Variants in FBXL17 observed in about 807,000 individuals in gnomAD.
FBXL17 encodes F-box/LRR-repeat protein 17.
FBXL17 carries 22 observed loss-of-function variants against 66.2 expected under a neutral mutation model. The observed-to-expected ratio is 0.33, with a 90% CI of 0.24 to 0.47. The LOEUF (loss-of-function observed/expected upper bound fraction) is 0.47, where lower values mean the gene tolerates loss of function less well. Ranked by LOEUF, FBXL17 falls within the 20% of genes least tolerant of loss-of-function variation. The pLI, the probability that FBXL17 is intolerant of heterozygous loss-of-function variation, is 1.00. For missense variants in FBXL17, 878 were observed against 948.2 expected (o/e 0.93, Z 0.97); for synonymous variants, 474 against 400.5 (o/e 1.18, Z -2.19).
chr5:107,938,473 G>C (rs573877919), intron 7 of FBXL17, among the ~76,000 whole-genome samples: 1 of 151,968 alleles, frequency 6.6e-6, no homozygotes, highest in African/African-American at 2.4e-5. Flanking sequence ...TAGTGACATC[G>C]GTCTTCACAA....
At chr5:108,356,420 G>A (rs1174337609) in intron 3 of FBXL17, among the ~76,000 whole-genome samples, 1 of 152,116 alleles carries the variant, frequency 6.6e-6, no homozygotes, top group Non-Finnish European at 1.5e-5. Context: ...CCAGAACTTG[G>A]ACATGCCCAA....
chr5:108,168,698 G>T (rs1469661884), intron 6 of FBXL17, among the ~76,000 whole-genome samples: 1 of 151,980 alleles, frequency 6.6e-6, no homozygotes, highest in Admixed American at 6.6e-5. Context: ...TGCGATTTAG[G>T]ATTTCCTACC....
intron 8 of FBXL17, chr5:107,880,244 G>C (rs1240147746): frequency 2.3e-6 from 1 of 438,730 alleles, no homozygotes; most frequent in African/African-American, 2.1e-5. Context: ...ATTTTTTTTT[G>C]TTGGGGGAGA....
At chr5:108,038,256 A>G (rs1746920435) in intron 6 of FBXL17, among the ~76,000 whole-genome samples, 1 of 152,100 alleles carries the variant, frequency 6.6e-6, no homozygotes, top group African/African-American at 2.4e-5. Context: ...ATATAATATT[A>G]AGAAATTATT....
intron 4 of FBXL17, among the ~76,000 whole-genome samples, chr5:108,290,331 G>A (rs879542125): frequency 6.6e-6 from 1 of 152,122 alleles, no homozygotes; most frequent in Non-Finnish European, 1.5e-5. Flanking sequence ...ACACAAAGAG[G>A]AGTTAGGAAG....
intron 1 of FBXL17, among the ~76,000 whole-genome samples, chr5:108,374,242 A>G (rs1232265611): frequency 6.6e-6 from 1 of 152,216 alleles, no homozygotes; most frequent in Non-Finnish European, 1.5e-5. Flanking sequence ...TAGAATACAC[A>G]TTCTTCTGAA....
intron 2 of FBXL17, among the ~76,000 whole-genome samples, chr5:108,366,631 A>T (rs1748682210): frequency 6.6e-6 from 1 of 152,056 alleles, no homozygotes; most frequent in African/African-American, 2.4e-5. Context: ...AATAACTCAA[A>T]CATTCAAGAG....
intron 6 of FBXL17, among the ~76,000 whole-genome samples, chr5:108,051,158 C>T (rs114992085): frequency 6.6e-6 from 1 of 152,120 alleles, no homozygotes; most frequent in Non-Finnish European, 1.5e-5. Context: ...ACCAGAGGTA[C>T]AAAGAGGAGC....
intron 4 of FBXL17, among the ~76,000 whole-genome samples, chr5:108,248,275 TG>T (rs1756194243): frequency 6.6e-6 from 1 of 152,070 alleles, no homozygotes; most frequent in Non-Finnish European, 1.5e-5. Context: ...AAGAACCACA[TG>T]GAAGTTTTTG....
chr5:107,963,556 T>C (rs1460681578), intron 7 of FBXL17, among the ~76,000 whole-genome samples: 1 of 152,180 alleles, frequency 6.6e-6, no homozygotes, highest in East Asian at 1.9e-4. Context: ...ATGGCTGTGC[T>C]AGTGAACTTT....
At chr5:107,885,768 A>C (rs962782067) in intron 7 of FBXL17, among the ~76,000 whole-genome samples, 1 of 152,186 alleles carries the variant, frequency 6.6e-6, no homozygotes, top group African/African-American at 2.4e-5. Flanking sequence ...AGAAGCATAA[A>C]CCAGAAACCA....
At chr5:108,361,049 T>A (rs1183155072) in intron 3 of FBXL17, among the ~76,000 whole-genome samples, 1 of 152,144 alleles carries the variant, frequency 6.6e-6, no homozygotes, top group African/African-American at 2.4e-5. Flanking sequence ...ATAATGGATT[T>A]AAAATCTTTA....
chr5:107,888,105 GA>G (rs1276309958), intron 7 of FBXL17, among the ~76,000 whole-genome samples: 1 of 152,018 alleles, frequency 6.6e-6, no homozygotes. Context: ...ACTGTACACT[GA>G]CCACACTCTA....
In FBXL17 at chr5:108,063,855, TA is replaced by T. The variant is rs568982728; in HGVS notation, c.1746-42855del. Reference sequence around the variant, plus strand: ...TTGGATGAAAAAAACAACAGTGATTTAAAAAAAATTTGCTTTGAATAAAATT... The same window carrying T: ...TTGGATGAAAAAAACAACAGTGATTTAAAAAAATTTGCTTTGAATAAAATT... On this transcript the variant is annotated intron_variant, in intron 6 of 8. Transcript: ENST00000542267. Among the ~76,000 whole-genome samples the T allele has an allele frequency of 1.9e-3, 287 of 152,184 alleles. 1 individual carries two copies. Among genetic ancestry groups the T allele is most frequent in the African/African-American group, 5.7e-3 (237 of 41,550 alleles).
intron 4 of FBXL17, among the ~76,000 whole-genome samples, chr5:108,294,897 C>T (rs1758282628): frequency 6.6e-6 from 1 of 152,078 alleles, no homozygotes. Flanking sequence ...AATGTTACTA[C>T]ATTCAGCCTA....
chr5:108,249,331 T>A (rs962329421), intron 4 of FBXL17, among the ~76,000 whole-genome samples: 1 of 152,086 alleles, frequency 6.6e-6, no homozygotes, highest in Non-Finnish European at 1.5e-5. Context: ...CAGGAATATA[T>A]CTGACTGATA....
intron 1 of FBXL17, among the ~76,000 whole-genome samples, chr5:108,379,382 C>A (rs1749681906): frequency 6.6e-6 from 1 of 152,076 alleles, no homozygotes; most frequent in African/African-American, 2.4e-5. Context: ...CCTCTGCACA[C>A]AAAGAGTAGG....
At chr5:108,343,723 T>C (rs900231476) in intron 4 of FBXL17, among the ~76,000 whole-genome samples, 2 of 152,086 alleles carry the variant, frequency 1.3e-5, no homozygotes. Flanking sequence ...TGGCTACCAA[T>C]TTTTTCACCT....
intron 1 of FBXL17, among the ~76,000 whole-genome samples, chr5:108,380,349 A>G (rs919426178): frequency 6.6e-6 from 1 of 152,200 alleles, no homozygotes; most frequent in Admixed American, 6.5e-5. Context: ...CCAACATGCA[A>G]AGCCTTTACC....
Sources: gnomAD v4.1 joint callset for allele counts (sites outside exome capture counted in the v4.1 genomes callset) on GRCh38, gnomAD v4.1.1 for gene constraint, MANE v1.5 for transcripts, NCBI Gene and HGNC (gene_info 2026-07-23, HGNC 2026-07-21) for gene names.